The following SGCA variants were observed in gnomAD, a reference collection of about 807,000 sequenced individuals.
The protein encoded by SGCA is alpha-sarcoglycan.
Under a neutral mutation model 38.1 loss-of-function variants are expected in SGCA, and 34 were observed. The observed-to-expected ratio is 0.89, with a 90% CI of 0.68 to 1.19. The LOEUF (loss-of-function observed/expected upper bound fraction) is 1.19. SGCA is among the 50% of genes most tolerant of loss of function. The pLI, the probability that SGCA is intolerant of heterozygous loss-of-function variation, is 0.00. For synonymous variants in SGCA, 209 were observed against 214.6 expected (o/e 0.97, Z 0.23); for missense variants, 476 against 524.9 (o/e 0.91, Z 0.91).
At chr17:50,169,442 C>CACACACACAT in intron 6 of SGCA, 188 bp downstream of exon 6, 1 of 592,530 alleles carries the variant, frequency 1.7e-6, no homozygotes, top group Non-Finnish European at 3.0e-6. Context: ...CACACACACA[C>CACACACACAT]ACACCCCTGA....
At chr17:50,175,479 T>A (rs1293063724) in intron 9 of SGCA, 30 bp downstream of exon 9, 2 of 1,584,366 alleles carry the variant, frequency 1.3e-6, no homozygotes, top group East Asian at 4.5e-5. Context: ...CCAGCCTTAT[T>A]TCTGGGAACA....
At chr17:50,169,689 T>C in intron 6 of SGCA, 1 of 321,204 alleles carries the variant, frequency 3.1e-6, no homozygotes, top group Non-Finnish European at 5.9e-6. Flanking sequence ...CCAAAGATGC[T>C]CACAACAGCT....
At position 50,168,412 on chromosome 17, in the gene SGCA, A is replaced by G; in HGVS notation, c.424A>G (p.Ser142Gly). The change falls in exon 5 of 10, where the codon AGC (serine) becomes GGC (glycine). Residue 142 changes from serine (S) to glycine (G), a missense_variant. Coordinates refer to ENST00000262018, the MANE Select transcript of SGCA (RefSeq NM_000023.4). ...LPYQAEFLVRSHDAEEVLPST... is the reference protein window; with the variant it reads ...LPYQAEFLVRGHDAEEVLPST... The stretch of plus-strand genomic sequence containing the variant: ...ATACCAAGCCGAGTTCCTGGTGCGC[A>G]GCCACGATGCGGAGGAGGTGCTGCC... 6.3e-7 allele frequency: 1 copy of G among 1,590,928 alleles called. No individual in the cohort carries two copies.
intron 8 of SGCA, among the ~76,000 whole-genome samples, chr17:50,172,801 G>A (rs996779300): frequency 7.5e-6 from 1 of 132,904 alleles, no homozygotes; most frequent in South Asian, 2.1e-4. Context: ...AGAGATGTAC[G>A]CTAAGTTGAC....
At chr17:50,169,412 G>GACAC (rs1905192044) in intron 6 of SGCA, 158 bp downstream of exon 6, 3 of 329,244 alleles carry the variant, frequency 9.1e-6, no homozygotes, top group African/African-American at 7.2e-5. Context: ...TTAGTCTGAG[G>GACAC]ATACACACAC....
Position 50,168,973 on chromosome 17 carries a change from C to T in SGCA, c.585-119C>T, listed in dbSNP as rs1905152014. On this transcript the variant is annotated intron_variant, in intron 5 of 9. Transcript: ENST00000262018. ...CCTTAATCCTCCCTCTTAGGCGTCTCCCTCATCCCATCCCCAGGTCATAGC... is the reference window on the plus strand; with the variant it reads ...CCTTAATCCTCCCTCTTAGGCGTCTTCCTCATCCCATCCCCAGGTCATAGC... 4.3e-6 allele frequency: 4 copies of T among 923,532 alleles called. No homozygotes were observed. In the South Asian group the frequency reaches 5.3e-5, roughly 12 times the overall value. The allele number at this position is 923,532 out of a possible 1,614,324, so 57.2% of individuals were successfully genotyped here.
chr17:50,174,603 T>C (rs1211586071), intron 8 of SGCA, among the ~76,000 whole-genome samples: 3 of 151,970 alleles, frequency 2.0e-5, no homozygotes, highest in Non-Finnish European at 4.4e-5. Context: ...CGCTTCGGCC[T>C]CCCGAAGTGC....
At chr17:50,168,724 A>G in intron 5 of SGCA, 152 bp downstream of exon 5, 1 of 742,274 alleles carries the variant, frequency 1.3e-6, no homozygotes, top group South Asian at 1.6e-5. Context: ...CTCTGGCTAT[A>G]CCCGCATCTC....
intron 8 of SGCA, among the ~76,000 whole-genome samples, chr17:50,174,678 G>T (rs1598276994): frequency 6.6e-6 from 1 of 152,080 alleles, no homozygotes; most frequent in African/African-American, 2.4e-5. Context: ...CCATTTGGCC[G>T]TTGAGCAAAC....
chr17:50,169,250 C>A lies in SGCA; in HGVS notation c.743C>A (p.Thr248Asn). Residue 248 changes from threonine to asparagine, a missense_variant, in exon 6 of 10, where the codon ACC becomes AAC. Physicochemically the swap from Thr to Asn is moderately conservative, Grantham distance 65. Transcript: ENST00000262018. ...TTCCGCGTTGACTGGTGCAATGTGA[C>A]CCTGGTGAGGAGGGACCCTGGGTCC... Reference protein sequence around the residue: ...PHFRVDWCNVTLVDKSVPEPA... With the variant: ...PHFRVDWCNVNLVDKSVPEPA... 1 of 1,612,156 alleles carries A rather than the reference C, an allele frequency of 6.2e-7. No individual in the cohort carries two copies. The highest frequency in any genetic ancestry group is 1.7e-5 in the Admixed American group (1 of 59,994).
Position 50,167,908 on chromosome 17 carries a change from C to T in SGCA, c.313-39C>T, listed in dbSNP as rs59944537. 2 of 1,602,092 alleles carry T rather than the reference C, an allele frequency of 1.2e-6. No homozygotes were observed. The highest frequency in any genetic ancestry group is 2.2e-5 in the East Asian group (1 of 44,824). On this transcript the variant is annotated intron_variant, in intron 3 of 9. Transcript: ENST00000262018. This position sits in a 1 kb window ranked among gnomAD's most constrained non-coding sequence, Gnocchi z 4.5. Reference sequence around the variant, plus strand: ...CAGGCCCCCGCTGTGCCACGTTTCTCCCCTAACCCACTTCTCAGATGTCTT... The same window carrying T: ...CAGGCCCCCGCTGTGCCACGTTTCTTCCCTAACCCACTTCTCAGATGTCTT...
intron 7 of SGCA, 103 bp from the exon 8 acceptor site, chr17:50,170,537 C>A: frequency 7.1e-7 from 1 of 1,399,488 alleles, no homozygotes; most frequent in Non-Finnish European, 9.9e-7. Context: ...ACCAGGAGGG[C>A]ATTGTGGATA....
chr17:50,170,498 C>G, intron 7 of SGCA, 142 bp from the exon 8 acceptor site: 1 of 1,318,646 alleles, frequency 7.6e-7, no homozygotes, highest in Non-Finnish European at 1.1e-6. Flanking sequence ...TTCTAGGCAA[C>G]TTGGGGCTTG....
chr17:50,170,529 C>T (rs1905291531), intron 7 of SGCA, 111 bp from the exon 8 acceptor site: 4 of 1,382,940 alleles, frequency 2.9e-6, no homozygotes, highest in Non-Finnish European at 4.0e-6. Context: ...GGCCTGGCAC[C>T]AGGAGGGCAT....
rs1028074350 is a variant in SGCA, at chr17:50,167,706, C to G, written c.282C>G (p.Thr94=). 6.2e-7 allele frequency: 1 copy of G among 1,612,652 alleles called. No individual in the cohort carries two copies. Among genetic ancestry groups the G allele is most frequent in the Non-Finnish European group, 8.5e-7 (1 of 1,179,072 alleles). ...HHPGFLYGSA[T]PEDRGLQVIE... is the part of the protein sequence containing the mutation. ...CTGGCTTCCTCTACGGCTCTGCCAC[C>G]CCAGAAGATCGTGGGCTCCAGGTCA... The change falls in exon 3 of 10, where the codon ACC becomes ACG. Residue 94 remains threonine, a synonymous_variant. Transcript: ENST00000262018. The surrounding 1 kb of genome is among the most constrained non-coding windows in gnomAD (Gnocchi z 4.5).
In SGCA at chr17:50,167,942, C is replaced by G; in HGVS notation, c.313-5C>G. 1.2e-5 allele frequency: 19 copies of G among 1,614,116 alleles called. No individual in the cohort carries two copies. Among genetic ancestry groups the G allele is most frequent in the Non-Finnish European group, 1.6e-5 (19 of 1,179,956 alleles). ...CACTTCTCAGATGTCTTTCCCATCC[C>G]CCAGGTCACAGCCTACAATCGGGAC... On this transcript the variant is annotated splice_region_variant and splice_polypyrimidine_tract_variant and intron_variant, in intron 3 of 9. Coordinates refer to ENST00000262018, the MANE Select transcript of SGCA (RefSeq NM_000023.4). The surrounding 1 kb of genome is among the most constrained non-coding windows in gnomAD (Gnocchi z 4.5).
chr17:50,166,788 C>G (rs1259915629), intron 1 of SGCA, among the ~76,000 whole-genome samples: 3 of 135,964 alleles, frequency 2.2e-5, no homozygotes, highest in South Asian at 2.5e-4. Context: ...CACCCTCACA[C>G]ACCCTCACAC....
intron 6 of SGCA, 187 bp downstream of exon 6, chr17:50,169,441 A>ACACACACACACACACC (rs1905196802): frequency 1.7e-6 from 1 of 589,844 alleles, no homozygotes; most frequent in African/African-American, 1.9e-5. Flanking sequence ...ACACACACAC[A>ACACACACACACACACC]CACACCCCTG....
Position 50,169,227 on chromosome 17 carries a change from C to A in SGCA, c.720C>A (p.Phe240Leu). Reference protein sequence around the residue: ...LSCYDTLAPHFRVDWCNVTLV... With the variant: ...LSCYDTLAPHLRVDWCNVTLV... ...GCTACGACACCTTGGCACCCCACTT[C>A]CGCGTTGACTGGTGCAATGTGACCC... is the stretch of plus-strand genomic sequence containing the variant. The change falls in exon 6 of 10, where the codon TTC (phenylalanine) becomes TTA (leucine). Residue 240 changes from phenylalanine to leucine, a missense_variant. Transcript: ENST00000262018. 1 of 1,613,934 alleles carries A rather than the reference C, an allele frequency of 6.2e-7. No homozygotes were observed. Among genetic ancestry groups the A allele is most frequent in the Non-Finnish European group, 8.5e-7 (1 of 1,179,900 alleles).
Sources: allele counts gnomAD v4.1 joint callset (sites outside exome capture counted in the v4.1 genomes callset), GRCh38; gene constraint gnomAD v4.1.1; non-coding constraint Gnocchi (gnomAD v3.1); transcripts MANE v1.5; gene names NCBI Gene and HGNC (gene_info 2026-07-23, HGNC 2026-07-21).